Variants in LRPPRC observed in about 807,000 individuals in gnomAD.
LRPPRC encodes the protein leucine rich pentatricopeptide repeat containing, also known as leucine-rich PPR motif-containing protein, mitochondrial.
Under a neutral mutation model 180.3 loss-of-function variants are expected in LRPPRC, and 120 were observed. The observed-to-expected ratio is 0.67, with a 90% CI of 0.57 to 0.77. LRPPRC has a LOEUF of 0.77. Ranked by LOEUF, LRPPRC falls within the 30% of genes least tolerant of loss-of-function variation. The pLI, the probability that LRPPRC is intolerant of heterozygous loss-of-function variation, is 0.00. For synonymous variants in LRPPRC, 723 were observed against 600.0 expected (o/e 1.21, Z -3.00); for missense variants, 2,012 against 1,657.2 (o/e 1.21, Z -3.72).
intron 3 of LRPPRC, among the ~76,000 whole-genome samples, chr2:43,978,335 T>C (rs193187201): frequency 4.6e-5 from 7 of 152,272 alleles, no homozygotes; most frequent in Admixed American, 4.6e-4. Flanking sequence ...ACACAAAGCA[T>C]CATGCTACTG....
At chr2:43,982,092 G>A (rs1169430026) in intron 2 of LRPPRC, 146 bp downstream of exon 2, 14 of 548,294 alleles carry the variant, frequency 2.6e-5, no homozygotes, top group East Asian at 2.5e-4. Context: ...ATTTTTAGTA[G>A]AAATGGGGTT....
chr2:43,969,424 A>AG (rs1282233831), intron 11 of LRPPRC, among the ~76,000 whole-genome samples: 1 of 149,750 alleles, frequency 6.7e-6, no homozygotes, highest in Non-Finnish European at 1.5e-5. Context: ...AAAAAAAAAA[A>AG]GAAACCAAGT....
chr2:43,926,780 A>T (rs1298014928), intron 25 of LRPPRC, among the ~76,000 whole-genome samples: 6 of 152,244 alleles, frequency 3.9e-5, no homozygotes, highest in Admixed American at 6.5e-5. Context: ...CAGTTGTCAC[A>T]ATAATAAACC....
chr2:43,995,874 C>T lies in LRPPRC; in HGVS notation c.74G>A (p.Arg25His), dbSNP rs780400922. The change falls in exon 1 of 38, where the codon CGC (arginine) becomes CAC (histidine). Residue 25 changes from arginine to histidine, a missense_variant. Transcript: ENST00000260665. ...CCGGCCCGGGCCGCCAGGGAGGAGG[C>T]GCAGGGAGAGCGGGAGGCGCGGGGC... ...GAAPRLPLSL[R>H]LLPGGPGRLH... is the part of the protein sequence containing the mutation. The T allele has an allele frequency of 1.4e-4, 207 of 1,504,288 alleles. 1 individual carries two copies. In the Middle Eastern group the frequency reaches 1.9e-3, roughly 13 times the overall value. 93.2% of individuals were successfully genotyped at this position (1,504,288 alleles called of 1,614,324 possible). A position where few individuals can be genotyped will look rare whatever the true frequency, so the allele number is the denominator to read the frequency against.
At chr2:43,956,301 G>A (rs1383346213) in intron 14 of LRPPRC, among the ~76,000 whole-genome samples, 1 of 152,122 alleles carries the variant, frequency 6.6e-6, no homozygotes, top group Non-Finnish European at 1.5e-5. Flanking sequence ...TGTTAAAGTG[G>A]GAAAATCTGA....
intron 23 of LRPPRC, among the ~76,000 whole-genome samples, chr2:43,937,610 T>C (rs1448607108): frequency 6.6e-6 from 1 of 152,226 alleles, no homozygotes; most frequent in African/African-American, 2.4e-5. Context: ...ATAAGAGTAC[T>C]TATGCTACTC....
At chr2:43,917,098 T>G (rs945584526) in intron 29 of LRPPRC, among the ~76,000 whole-genome samples, 4 of 146,176 alleles carry the variant, frequency 2.7e-5, no homozygotes, top group Admixed American at 7.0e-5. Flanking sequence ...TGGAGTGCAG[T>G]GGTGCGATCT....
intron 23 of LRPPRC, among the ~76,000 whole-genome samples, chr2:43,939,879 C>T (rs932471685): frequency 1.3e-5 from 2 of 152,156 alleles, no homozygotes; most frequent in Non-Finnish European, 2.9e-5. Flanking sequence ...AACTGGAAGT[C>T]GGTGTTAAAC....
intron 36 of LRPPRC, among the ~76,000 whole-genome samples, chr2:43,893,359 C>T (rs1038704670): frequency 1.3e-5 from 2 of 152,174 alleles, no homozygotes; most frequent in Non-Finnish European, 2.9e-5. Flanking sequence ...ACATCGCATA[C>T]TACAGAGAAC....
intron 27 of LRPPRC, among the ~76,000 whole-genome samples, chr2:43,924,449 C>T (rs1263241580): frequency 1.3e-5 from 2 of 152,078 alleles, no homozygotes; most frequent in African/African-American, 4.8e-5. Context: ...AAATGAATAA[C>T]GTAGTGTTGT....
chr2:43,947,392 A>C, intron 19 of LRPPRC, 22 bp from the exon 20 acceptor site: 1 of 1,271,416 alleles, frequency 7.9e-7, no homozygotes, highest in African/African-American at 1.5e-5. Flanking sequence ...AAAAAAGAAA[A>C]GAAAAATTTC....
Position 43,949,611 on chromosome 2 carries a change from C to G in LRPPRC, c.1726G>C (p.Gly576Arg). 1 of 1,613,884 alleles carries G rather than the reference C, an allele frequency of 6.2e-7. No individual in the cohort carries two copies. Among genetic ancestry groups the G allele is most frequent in the South Asian group, 1.1e-5 (1 of 91,036 alleles). Residue 576 changes from glycine (G) to arginine (R), a missense_variant, in exon 16 of 38, where the codon GGA (glycine) becomes CGA (arginine). Coordinates refer to ENST00000260665, the MANE Select transcript of LRPPRC (RefSeq NM_133259.4). ...GAAATTGAAACGCTACCCGTCGGTC[C>G]TCGAGGCTCCTGGCAATAACGTCCA... is the stretch of plus-strand genomic sequence containing the variant. Reference protein sequence around the residue: ...KDGRYCQEPRGPTEAVGYFLY... With the variant: ...KDGRYCQEPRRPTEAVGYFLY...
intron 12 of LRPPRC, among the ~76,000 whole-genome samples, chr2:43,961,612 G>A (rs1393670598): frequency 6.6e-6 from 1 of 152,136 alleles, no homozygotes; most frequent in Non-Finnish European, 1.5e-5. Context: ...CATTTATTAT[G>A]TAATTTCTGA....
chr2:43,902,340 G>C (rs1285272059), intron 31 of LRPPRC: 1 of 152,178 alleles, frequency 6.6e-6, no homozygotes, highest in East Asian at 1.9e-4. Context: ...ATGAAATAAA[G>C]TGGTAGACTG....
intron 35 of LRPPRC, among the ~76,000 whole-genome samples, chr2:43,895,745 TA>T (rs777107966): frequency 2.4e-4 from 36 of 152,110 alleles, no homozygotes; most frequent in Admixed American, 6.5e-5. Context: ...ATGTTTCAAA[TA>T]AAACAAGCAT....
At chr2:43,892,393 T>C (rs1465063515) in intron 36 of LRPPRC, among the ~76,000 whole-genome samples, 2 of 152,174 alleles carry the variant, frequency 1.3e-5, no homozygotes, top group African/African-American at 4.8e-5. Context: ...CCTTAAGAAT[T>C]ACGCTAAATT....
intron 1 of LRPPRC, among the ~76,000 whole-genome samples, chr2:43,983,012 G>A (rs1196585243): frequency 6.6e-6 from 1 of 151,688 alleles, no homozygotes; most frequent in Non-Finnish European, 1.5e-5. Context: ...TAGTGATAAG[G>A]CTCTTAATTC....
At chr2:43,980,077 T>A (rs529262066) in intron 2 of LRPPRC, 129 bp from the exon 3 acceptor site, 1 of 856,274 alleles carries the variant, frequency 1.2e-6, no homozygotes, top group East Asian at 2.7e-5. Flanking sequence ...AACCATAAAT[T>A]AGAAAAATCC....
rs1464347923 is a variant in LRPPRC at position 43,918,096 on chromosome 2, G to A, written c.3077C>T (p.Ser1026Leu). Residue 1026 changes from serine to leucine, a missense_variant, in exon 29 of 38, where the codon TCG becomes TTG. Physicochemically the swap from Ser to Leu is moderately radical, Grantham distance 145. Coordinates refer to ENST00000260665, the MANE Select transcript of LRPPRC (RefSeq NM_133259.4). ...ATCAGGTTCTGTGGTTGAGGCTGAC[G>A]AAGAATTCAGGGAATGTTTTTCATC... ...YEDEKHSLNS[S>L]SASTTEPDFQ... The A allele has an allele frequency of 3.7e-6, 6 of 1,613,548 alleles. No individual in the cohort carries two copies. Among genetic ancestry groups the A allele is most frequent in the South Asian group, 1.1e-5 (1 of 91,058 alleles).
Sources: gnomAD v4.1 joint callset for allele counts (sites outside exome capture counted in the v4.1 genomes callset) on GRCh38, gnomAD v4.1.1 for gene constraint, MANE v1.5 for transcripts, NCBI Gene and HGNC (gene_info 2026-07-23, HGNC 2026-07-21) for gene names.